Variants in PTPRD observed in about 807,000 individuals in gnomAD.
PTPRD encodes the protein protein tyrosine phosphatase receptor type D, also known as receptor-type tyrosine-protein phosphatase delta.
PTPRD carries 34 observed loss-of-function variants against 214.5 expected under a neutral mutation model. That is an observed-to-expected ratio of 0.16 (90% CI 0.12 to 0.21). PTPRD has a LOEUF of 0.21. Among genes scored for constraint, PTPRD ranks in the 10% least tolerant of loss-of-function variants. The probability of loss-of-function intolerance (pLI) is 1.00; values close to 1 mark genes in which losing one functional copy is unlikely to be tolerated. For synonymous variants in PTPRD, 1,128 were observed against 845.7 expected, an observed-to-expected ratio of 1.33 and a Z score of -5.79; for missense variants, 2,545 against 2,398.7, an observed-to-expected ratio of 1.06 and a Z score of -1.27.
intron 5 of PTPRD, among the ~76,000 whole-genome samples, chr9:9,769,310 A>C (rs1424439553): frequency 7.0e-6 from 1 of 143,598 alleles, no homozygotes; most frequent in East Asian, 2.2e-4. Flanking sequence ...TGTTTTAACC[A>C]GAAGCCCTTT....
chr9:9,027,649 G>C (rs915517832), intron 10 of PTPRD, among the ~76,000 whole-genome samples: 2 of 151,846 alleles, frequency 1.3e-5, no homozygotes, highest in Non-Finnish European at 2.9e-5. Context: ...TAAAATCAGA[G>C]TACATTTGAA....
chr9:10,574,429 G>A (rs1045232248), intron 2 of PTPRD, among the ~76,000 whole-genome samples: 1 of 151,888 alleles, frequency 6.6e-6, no homozygotes, highest in Non-Finnish European at 1.5e-5. Context: ...TGAGGTAGTC[G>A]GTACAGGTAT....
chr9:8,411,664 G>C (rs1026432029), intron 35 of PTPRD, among the ~76,000 whole-genome samples: 1 of 152,148 alleles, frequency 6.6e-6, no homozygotes, highest in African/African-American at 2.4e-5. Context: ...GCAGAAGAAA[G>C]ACATTTCTAG....
intron 10 of PTPRD, among the ~76,000 whole-genome samples, chr9:9,175,269 T>C (rs578123005): frequency 2.4e-4 from 37 of 152,212 alleles, no homozygotes; most frequent in African/African-American, 8.9e-4. Context: ...ACTAAAATCT[T>C]TGTTAATAAA....
At chr9:8,887,568 C>T (rs944383541) in intron 11 of PTPRD, among the ~76,000 whole-genome samples, 2 of 152,178 alleles carry the variant, frequency 1.3e-5, no homozygotes, top group Non-Finnish European at 2.9e-5. Context: ...ATAAAAAATA[C>T]GTTGCCCTAT....
chr9:10,257,184 G>T (rs552765042), intron 3 of PTPRD, among the ~76,000 whole-genome samples: 26 of 152,258 alleles, frequency 1.7e-4, no homozygotes, highest in Non-Finnish European at 3.5e-4. Context: ...AACATATACT[G>T]GTTTTAGACA....
intron 4 of PTPRD, among the ~76,000 whole-genome samples, chr9:9,987,281 T>G (rs2095748335): frequency 6.6e-6 from 1 of 152,180 alleles, no homozygotes; most frequent in Non-Finnish European, 1.5e-5. Flanking sequence ...TTTCATAGAT[T>G]AGAATTTGTG....
At chr9:9,741,073 G>C (rs967631586) in intron 6 of PTPRD, among the ~76,000 whole-genome samples, 4 of 152,106 alleles carry the variant, frequency 2.6e-5, no homozygotes, top group African/African-American at 7.2e-5. Flanking sequence ...TTGGGCAACC[G>C]GGTGATGATA....
chr9:8,523,904 A>G lies in PTPRD; in HGVS notation c.680-380T>C, dbSNP rs765544361. Reference sequence around the variant, plus strand: ...AAAGAAAGGAGAGAAAAACATCCCCAGGGAAACAAAATTACCTCTAACAAA... The same window carrying G: ...AAAGAAAGGAGAGAAAAACATCCCCGGGGAAACAAAATTACCTCTAACAAA... On this transcript the variant is annotated intron_variant, in intron 18 of 45. Coordinates refer to ENST00000381196, the MANE Select transcript of PTPRD (RefSeq NM_002839.4). 3.3e-4 allele frequency among the ~76,000 whole-genome samples: 50 copies of G among 152,316 alleles called. No homozygotes were observed. The Middle Eastern group carries it at 0.01, about 31-fold the overall frequency.
chr9:10,509,502 TAATG>T (rs2047231184), intron 2 of PTPRD, among the ~76,000 whole-genome samples: 1 of 141,102 alleles, frequency 7.1e-6, no homozygotes, highest in African/African-American at 2.6e-5. Flanking sequence ...TCTATCTATC[TAATG>T]ATCATTATAG....
chr9:8,633,122 C>T (rs1416787345), intron 14 of PTPRD, among the ~76,000 whole-genome samples, 195 bp downstream of exon 14: 1 of 151,846 alleles, frequency 6.6e-6, no homozygotes, highest in East Asian at 1.9e-4. Flanking sequence ...TCTGATATTC[C>T]CCCTGAACTC....
At chr9:10,161,222 C>T (rs143061425) in intron 3 of PTPRD, among the ~76,000 whole-genome samples, 12 of 151,816 alleles carry the variant, frequency 7.9e-5, no homozygotes, top group African/African-American at 2.6e-4. Flanking sequence ...TCTACACTGT[C>T]CATGGAATCA....
chr9:10,046,280 A>T (rs904678046), intron 3 of PTPRD, among the ~76,000 whole-genome samples: 1 of 151,820 alleles, frequency 6.6e-6, no homozygotes, highest in Non-Finnish European at 1.5e-5. Flanking sequence ...TACAATTTTT[A>T]AGATTTCCCT....
intron 3 of PTPRD, among the ~76,000 whole-genome samples, chr9:10,252,571 T>C (rs887540294): frequency 6.6e-6 from 1 of 152,086 alleles, no homozygotes; most frequent in African/African-American, 2.4e-5. Flanking sequence ...ATTATTCTGA[T>C]ATTATATATT....
chr9:10,592,703 A>T (rs940869029), intron 2 of PTPRD, among the ~76,000 whole-genome samples: 1 of 151,932 alleles, frequency 6.6e-6, no homozygotes, highest in Non-Finnish European at 1.5e-5. Context: ...GCTCTGTAAA[A>T]ACGCACCAAT....
intron 11 of PTPRD, among the ~76,000 whole-genome samples, chr9:8,990,608 C>A (rs868409103): frequency 1.2e-4 from 19 of 152,120 alleles, no homozygotes; most frequent in African/African-American, 4.6e-4. Flanking sequence ...GTCATAGAAA[C>A]TAGAACTCCT....
intron 4 of PTPRD, among the ~76,000 whole-genome samples, chr9:9,968,166 A>T (rs1461224333): frequency 6.6e-6 from 1 of 152,210 alleles, no homozygotes; most frequent in Non-Finnish European, 1.5e-5. Context: ...CTTCAATGAA[A>T]CCATGAAGCC....
At position 9,262,308 on chromosome 9, in the gene PTPRD, T is replaced by A. The variant is rs941337013; in HGVS notation, c.-202-78945A>T. Among the ~76,000 whole-genome samples, 11 of 150,992 alleles carry A rather than the reference T, an allele frequency of 7.3e-5. No individual in the cohort carries two copies. In the Admixed American group the frequency reaches 7.3e-4, roughly 10 times the overall value. ...AGGGGCAATGAATTTCTTTAAAATATATTTTATTTAATCTGGTATGCTAAA... is the reference window on the plus strand; with the variant it reads ...AGGGGCAATGAATTTCTTTAAAATAAATTTTATTTAATCTGGTATGCTAAA... On this transcript the variant is annotated intron_variant, in intron 9 of 45. Transcript: ENST00000381196.
intron 9 of PTPRD, among the ~76,000 whole-genome samples, chr9:9,255,791 C>CT (rs2099977459): frequency 6.6e-6 from 1 of 151,970 alleles, no homozygotes; most frequent in African/African-American, 2.4e-5. Flanking sequence ...AGATCCGGGA[C>CT]TTTTTTCATT....
Sources: allele counts gnomAD v4.1 joint callset (sites outside exome capture counted in the v4.1 genomes callset), GRCh38; gene constraint gnomAD v4.1.1; transcripts MANE v1.5; gene names NCBI Gene and HGNC (gene_info 2026-07-23, HGNC 2026-07-21).